Variants in KMT2C observed in about 807,000 individuals in gnomAD.
KMT2C encodes the protein histone-lysine N-methyltransferase 2C.
Under a neutral mutation model 507.9 loss-of-function variants are expected in KMT2C, and 88 were observed. That is an observed-to-expected ratio of 0.17 (90% CI 0.15 to 0.21). The LOEUF (loss-of-function observed/expected upper bound fraction) is 0.21, where lower values mean the gene tolerates loss of function less well. Among genes scored for constraint, KMT2C ranks in the 10% least tolerant of loss-of-function variants. The pLI is 1.00. For synonymous variants in KMT2C, 2,049 were observed against 2,080.8 expected, an observed-to-expected ratio of 0.98 and a Z score of 0.42; for missense variants, 4,954 against 5,957.8, an observed-to-expected ratio of 0.83 and a Z score of 5.55.
chr7:152,194,847 CAA>C (rs36061637), intron 28 of KMT2C, among the ~76,000 whole-genome samples: 19 of 87,062 alleles, frequency 2.2e-4, no homozygotes, highest in African/African-American at 2.9e-4. Context: ...CAACTCCTGC[CAA>C]AAAAAAAAAA....
intron 9 of KMT2C, 130 bp from the exon 10 acceptor site, chr7:152,252,845 A>C: frequency 1.5e-6 from 1 of 662,700 alleles, no homozygotes; most frequent in South Asian, 2.2e-5. Context: ...CATGACACTA[A>C]TTTAGGGTAC....
At chr7:152,279,173 A>C (rs1423277787) in intron 6 of KMT2C, among the ~76,000 whole-genome samples, 2 of 152,226 alleles carry the variant, frequency 1.3e-5, no homozygotes, top group East Asian at 3.8e-4. Context: ...ATATAAGGAT[A>C]AAGTCCCAAA....
chr7:152,178,110 A>C (rs1254259383), intron 37 of KMT2C, 100 bp from the exon 38 acceptor site: 2 of 1,218,248 alleles, frequency 1.6e-6, no homozygotes, highest in African/African-American at 3.2e-5. Flanking sequence ...TAAACTGTAC[A>C]TACAAAATGT....
chr7:152,137,792 G>A (rs1233273519), intron 58 of KMT2C: 2 of 152,240 alleles, frequency 1.3e-5, no homozygotes, highest in African/African-American at 4.8e-5. Flanking sequence ...AGGTGGCCCT[G>A]GGCTGAGTCT....
chr7:152,345,588 G>A (rs572576717), intron 2 of KMT2C, among the ~76,000 whole-genome samples: 31 of 152,260 alleles, frequency 2.0e-4, no homozygotes, highest in Admixed American at 8.5e-4. Flanking sequence ...GCAATGGCAC[G>A]ATCTCAGCTC....
intron 1 of KMT2C, among the ~76,000 whole-genome samples, chr7:152,386,019 C>T (rs112574064): frequency 6.6e-6 from 1 of 150,656 alleles, no homozygotes; most frequent in East Asian, 2.0e-4. Context: ...ACCTGAGAGG[C>T]GAGGTTGCAG....
At chr7:152,166,931 T>C (rs1239560050) in intron 42 of KMT2C, among the ~76,000 whole-genome samples, 1 of 152,230 alleles carries the variant, frequency 6.6e-6, no homozygotes, top group African/African-American at 2.4e-5. Context: ...ATTTATTTAG[T>C]ATGTGCTGTG....
intron 42 of KMT2C, 103 bp from the exon 43 acceptor site, chr7:152,163,929 G>C (rs1181879818): frequency 9.0e-7 from 1 of 1,114,892 alleles, no homozygotes; most frequent in Non-Finnish European, 1.3e-6. Context: ...GGGCAGTTTG[G>C]CCCTGCAGAA....
At chr7:152,410,389 GCGA>G (rs1419760026) in intron 1 of KMT2C, among the ~76,000 whole-genome samples, 3 of 150,208 alleles carry the variant, frequency 2.0e-5, no homozygotes, top group Non-Finnish European at 4.4e-5. Context: ...TCCAGCTTGG[GCGA>G]CGGAGGAAGA....
At chr7:152,349,046 G>A (rs749936905) in intron 2 of KMT2C, among the ~76,000 whole-genome samples, 3 of 152,160 alleles carry the variant, frequency 2.0e-5, no homozygotes, top group Non-Finnish European at 2.9e-5. Context: ...CAAAACCAGG[G>A]TGCAAATAGA....
In KMT2C at chr7:152,327,080, T is replaced by C. The variant is rs9632623; in HGVS notation, c.389+3521A>G. ...TCCTGTCTAATGAAAATAACAGTGG[T>C]AGTGGTAGTATAGCCCAGGATAAAT... On this transcript the variant is annotated intron_variant, in intron 3 of 58. Coordinates refer to ENST00000262189, the MANE Select transcript of KMT2C (RefSeq NM_170606.3). Among the ~76,000 whole-genome samples, 1,419 of 152,272 alleles carry C rather than the reference T, an allele frequency of 9.3e-3. 26 individuals carry two copies. Among genetic ancestry groups the C allele is most frequent in the African/African-American group, 0.033 (1,364 of 41,552 alleles).
intron 57 of KMT2C, 82 bp downstream of exon 57, chr7:152,139,104 T>C: frequency 7.3e-7 from 1 of 1,369,450 alleles, no homozygotes; most frequent in East Asian, 2.3e-5. Context: ...CGTGAGAGCC[T>C]TTCCCTTGGC....
At chr7:152,357,364 G>C (rs569954841) in intron 2 of KMT2C, among the ~76,000 whole-genome samples, 306 of 152,050 alleles carry the variant, frequency 2.0e-3, no homozygotes, top group Non-Finnish European at 3.1e-3. Flanking sequence ...CTCTACTAAA[G>C]ATACAAAAAA....
chr7:152,222,458 G>A, intron 21 of KMT2C, 115 bp downstream of exon 21: 1 of 553,164 alleles, frequency 1.8e-6, no homozygotes, highest in Non-Finnish European at 3.2e-6. Flanking sequence ...ACTTGTCAAA[G>A]TAAGTTTCAC....
rs192562127 is a variant in KMT2C at position 152,321,894 on chromosome 7, T to C, written c.390-6556A>G. Reference sequence around the variant, plus strand: ...TGCAATATCTATCGAAATTCCAATGTCAATTTTCACAGAAATAAATTATCC... The same window carrying C: ...TGCAATATCTATCGAAATTCCAATGCCAATTTTCACAGAAATAAATTATCC... On this transcript the variant is annotated intron_variant, in intron 3 of 58. Coordinates refer to ENST00000262189, the MANE Select transcript of KMT2C (RefSeq NM_170606.3). Among the ~76,000 whole-genome samples, 73 of 151,976 alleles carry C rather than the reference T, an allele frequency of 4.8e-4. 1 individual carries two copies. Among genetic ancestry groups the C allele is most frequent in the Admixed American group, 8.5e-4 (13 of 15,274 alleles).
chr7:152,407,628 C>T (rs1233734772), intron 1 of KMT2C, among the ~76,000 whole-genome samples: 1 of 8,090 alleles, frequency 1.2e-4, no homozygotes, highest in Non-Finnish European at 2.9e-4. Context: ...GCCAACATCG[C>T]ACCACTGCAC....
At chr7:152,251,501 T>G (rs987683757) in intron 11 of KMT2C, among the ~76,000 whole-genome samples, 4 of 152,188 alleles carry the variant, frequency 2.6e-5, no homozygotes, top group African/African-American at 4.8e-5. Context: ...AAGACTCATG[T>G]TTTTAACAGT....
At chr7:152,184,153 C>T (rs1036728624) in intron 34 of KMT2C, among the ~76,000 whole-genome samples, 4 of 140,608 alleles carry the variant, frequency 2.8e-5, no homozygotes, top group Admixed American at 6.9e-5. Flanking sequence ...ATATTTGAAA[C>T]GTATCATTAA....
At chr7:152,252,477 T>C (rs2095577476) in intron 10 of KMT2C, 69 bp downstream of exon 10, 4 of 1,259,674 alleles carry the variant, frequency 3.2e-6, no homozygotes, top group Non-Finnish European at 3.4e-6. Flanking sequence ...AGCTGTAAGA[T>C]GGTAGAGCAA....
Sources: allele counts gnomAD v4.1 joint callset (sites outside exome capture counted in the v4.1 genomes callset), GRCh38; gene constraint gnomAD v4.1.1; transcripts MANE v1.5; gene names NCBI Gene and HGNC (gene_info 2026-07-23, HGNC 2026-07-21).